Variants in STK3 observed in about 807,000 individuals in gnomAD.
STK3 encodes serine/threonine-protein kinase 3.
STK3 carries 41 observed loss-of-function variants against 58.0 expected under a neutral mutation model. The observed-to-expected ratio is 0.71, with a 90% CI of 0.55 to 0.92. The LOEUF is 0.92. Among genes scored for constraint, STK3 ranks in the 40% least tolerant of loss-of-function variants. STK3 has a pLI of 0.00. For missense variants in STK3, 479 were observed against 602.7 expected (o/e 0.79, Z 2.15); for synonymous variants, 170 against 191.0 (o/e 0.89, Z 0.91).
At chr8:98,860,363 G>A (rs909309764) in intron 3 of STK3, among the ~76,000 whole-genome samples, 1 of 152,204 alleles carries the variant, frequency 6.6e-6, no homozygotes, top group African/African-American at 2.4e-5. Flanking sequence ...GGAGCCTGCT[G>A]TGGGAAGACG....
At chr8:98,738,117 A>C (rs1394849449) in intron 4 of STK3, among the ~76,000 whole-genome samples, 3 of 152,238 alleles carry the variant, frequency 2.0e-5, no homozygotes, top group Non-Finnish European at 2.9e-5. Context: ...AACACAAATT[A>C]TGAGTTAAAT....
chr8:98,545,234 A>C (rs1288601468), intron 9 of STK3, among the ~76,000 whole-genome samples: 1 of 152,190 alleles, frequency 6.6e-6, no homozygotes, highest in Non-Finnish European at 1.5e-5. Flanking sequence ...TATGGATAAA[A>C]CATAATCCAT....
At chr8:98,699,882 G>C (rs1434588817) in intron 6 of STK3, among the ~76,000 whole-genome samples, 2 of 152,192 alleles carry the variant, frequency 1.3e-5, no homozygotes, top group Non-Finnish European at 2.9e-5. Context: ...GAGAACCACT[G>C]CTCTCTTCAA....
intron 1 of STK3, chr8:98,942,228 G>C (rs1032645412): frequency 1.3e-5 from 2 of 152,252 alleles, no homozygotes; most frequent in African/African-American, 2.4e-5. Context: ...AGGAGGGCCC[G>C]CGGACGGTGC....
rs575815539 is a variant in STK3 at position 98,735,213 on chromosome 8, C to A, written c.351+14063G>T. 2.0e-5 allele frequency among the ~76,000 whole-genome samples: 3 copies of A among 152,152 alleles called. No homozygotes were observed. In the East Asian group the frequency reaches 5.8e-4, roughly 29 times the overall value. ...AGCCAAAAAATTGGCTGTTTCAGCT[C>A]AACATTTATCAAAGGCTTGTAGGTG... On this transcript the variant is annotated intron_variant, in intron 4 of 10. Coordinates refer to ENST00000419617, the MANE Select transcript of STK3 (RefSeq NM_006281.4).
At chr8:98,359,318 A>C in the STK3 span, among the ~76,000 whole-genome samples, 1 of 136,394 alleles carries the variant, frequency 7.3e-6, no homozygotes, top group African/African-American at 2.8e-5. Context: ...GACCAGCCTG[A>C]CTAACATGGT....
At chr8:98,427,917 C>G in intron 3 of STK3, 1 of 1,375,718 alleles carries the variant, frequency 7.3e-7, no homozygotes, top group Non-Finnish European at 9.7e-7. Flanking sequence ...CTCTCGCCGA[C>G]GCTGTTCCCT....
chr8:98,395,476 A>G (rs1817889461), intron 3 of STK3, among the ~76,000 whole-genome samples: 1 of 152,236 alleles, frequency 6.6e-6, no homozygotes, highest in African/African-American at 2.4e-5. Flanking sequence ...ATAAATGTTG[A>G]CACTAAATAA....
intron 9 of STK3, among the ~76,000 whole-genome samples, chr8:98,536,236 T>C (rs1809757044): frequency 1.3e-5 from 2 of 152,124 alleles, no homozygotes; most frequent in Non-Finnish European, 2.9e-5. Context: ...GGTGAGAAAG[T>C]ATCTATCTCA....
At chr8:98,834,762 G>C (rs1587726140) in intron 3 of STK3, among the ~76,000 whole-genome samples, 1 of 152,028 alleles carries the variant, frequency 6.6e-6, no homozygotes, top group Admixed American at 6.6e-5. Context: ...CACCTTCAGG[G>C]GTAAGATATA....
In STK3 at chr8:98,463,779, T is replaced by A. The variant is rs1057412918; in HGVS notation, c.1318-7779A>T. On this transcript the variant is annotated intron_variant, in intron 10 of 10. Coordinates refer to ENST00000419617, the MANE Select transcript of STK3 (RefSeq NM_006281.4). ...TTTGTCAAAAATAGTCGTAATTACATGAGCGATTTTTAAGAAGTCAAATCT... is the reference window on the plus strand; with the variant it reads ...TTTGTCAAAAATAGTCGTAATTACAAGAGCGATTTTTAAGAAGTCAAATCT... Among the ~76,000 whole-genome samples the A allele has an allele frequency of 3.3e-5, 5 of 152,144 alleles. No homozygotes were observed. The East Asian group carries it at 7.7e-4, about 23-fold the overall frequency.
intron 3 of STK3, among the ~76,000 whole-genome samples, chr8:98,407,211 G>A (rs1818002072): frequency 6.6e-6 from 1 of 152,230 alleles, no homozygotes. Flanking sequence ...AAAAAAGGAA[G>A]TTGGACCAGG....
chr8:98,768,069 AGAAG>A (rs1162821090), intron 2 of STK3, among the ~76,000 whole-genome samples: 1 of 152,244 alleles, frequency 6.6e-6, no homozygotes, highest in African/African-American at 2.4e-5. Context: ...GCAAAAACAA[AGAAG>A]GAAGAAGCCA....
At chr8:98,383,883 G>C (rs1216709643) in intron 1 of STK3, among the ~76,000 whole-genome samples, 1 of 152,206 alleles carries the variant, frequency 6.6e-6, no homozygotes, top group East Asian at 1.9e-4. Context: ...TTGCCTTCCA[G>C]GGCAACAGAT....
At chr8:98,731,299 A>C in intron 4 of STK3, among the ~76,000 whole-genome samples, 1 of 152,100 alleles carries the variant, frequency 6.6e-6, no homozygotes, top group Non-Finnish European at 1.5e-5. Context: ...GGAAGCTGTA[A>C]AGAAGAAAAT....
chr8:98,438,298 ATG>A (rs1818564420), intron 1 of STK3: 1 of 152,040 alleles, frequency 6.6e-6, no homozygotes, highest in African/African-American at 2.4e-5. Context: ...GAATGTGTAG[ATG>A]TGTGTCAGAG....
the STK3 span, among the ~76,000 whole-genome samples, chr8:98,362,076 CAA>C: frequency 6.6e-6 from 1 of 152,250 alleles, no homozygotes; most frequent in Non-Finnish European, 1.5e-5. Context: ...GAGGATTGTG[CAA>C]AAGTGTTCCT....
intron 6 of STK3, among the ~76,000 whole-genome samples, chr8:98,623,326 C>G (rs1360830238): frequency 6.6e-6 from 1 of 152,158 alleles, no homozygotes; most frequent in Non-Finnish European, 1.5e-5. Context: ...CCACCACTAC[C>G]AAATTTTATG....
At chr8:98,741,269 C>A (rs1242527256) in intron 4 of STK3, among the ~76,000 whole-genome samples, 3 of 152,174 alleles carry the variant, frequency 2.0e-5, no homozygotes. Flanking sequence ...CAGAACTCTC[C>A]ACCCCAAATC....
Sources: gnomAD v4.1 joint callset for allele counts (sites outside exome capture counted in the v4.1 genomes callset) on GRCh38, gnomAD v4.1.1 for gene constraint, MANE v1.5 for transcripts, NCBI Gene and HGNC (gene_info 2026-07-23, HGNC 2026-07-21) for gene names.